Variants in ABLIM2 observed in about 807,000 individuals in gnomAD.
The protein encoded by ABLIM2 is actin binding LIM protein family member 2.
A neutral mutation model predicts 97.7 loss-of-function variants in ABLIM2; 53 were observed. The ratio of observed to expected loss-of-function variants is 0.54; its 90% CI spans 0.44 to 0.68. The LOEUF (loss-of-function observed/expected upper bound fraction) is 0.68. ABLIM2 is among the 30% of genes least tolerant of loss of function. The pLI is 0.00. For missense variants in ABLIM2, 835 were observed against 867.2 expected (o/e 0.96, Z 0.47); for synonymous variants, 361 against 345.8 (o/e 1.04, Z -0.49).
intron 1 of ABLIM2, among the ~76,000 whole-genome samples, chr4:8,154,908 G>A (rs1018795817): frequency 6.6e-6 from 1 of 152,232 alleles, no homozygotes; most frequent in Non-Finnish European, 1.5e-5. Flanking sequence ...ACGAAGGAGG[G>A]GCAAAGGGAC....
rs149162403 is a variant in ABLIM2 at position 7,992,044 on chromosome 4, C to T, written c.1680+822G>A. 2.6e-4 allele frequency among the ~76,000 whole-genome samples: 39 copies of T among 152,308 alleles called. No individual in the cohort carries two copies. The highest frequency in any genetic ancestry group is 4.3e-4 in the Non-Finnish European group (29 of 68,022). ...AACAAATTTCCAGACTGGGACGAGG[C>T]TGCCTTGCGCAATGGGGAGACCCCT... On this transcript the variant is annotated intron_variant, in intron 17 of 20. Coordinates refer to ENST00000447017, the MANE Select transcript of ABLIM2 (RefSeq NM_001130083.2). This position sits in a 1 kb window ranked among gnomAD's most constrained non-coding sequence, Gnocchi z 5.7.
At position 8,004,121 on chromosome 4, in the gene ABLIM2, C is replaced by CTG. The variant is rs375553721; in HGVS notation, c.1618+3937_1618+3938insCA. ...TGGTCCCCACCCACCACCTTCCCTT[C>CTG]CACAGAAAAGCTGCAGCAGGGTCGC... On this transcript the variant is annotated intron_variant, in intron 16 of 20. Coordinates refer to ENST00000447017, the MANE Select transcript of ABLIM2 (RefSeq NM_001130083.2). This position sits in a 1 kb window ranked among gnomAD's most constrained non-coding sequence, Gnocchi z 5.9. Among the ~76,000 whole-genome samples, 26,971 of 151,692 alleles carry CTG rather than the reference C, an allele frequency of 0.18. 2,968 individuals carry two copies. Among genetic ancestry groups the CTG allele is most frequent in the African/African-American group, 0.32 (12,996 of 41,214 alleles).
chr4:8,048,399 G>A (rs1793922546), intron 8 of ABLIM2, among the ~76,000 whole-genome samples: 2 of 152,192 alleles, frequency 1.3e-5, no homozygotes, highest in African/African-American at 2.4e-5. Flanking sequence ...CTGGCCCCAG[G>A]GAGGCAGCTG....
At chr4:8,018,043 T>A (rs564983220) in intron 14 of ABLIM2, among the ~76,000 whole-genome samples, 13 of 151,116 alleles carry the variant, frequency 8.6e-5, no homozygotes, top group African/African-American at 2.7e-4. Flanking sequence ...TAAAATCTAA[T>A]CTCTCCACTG....
intron 1 of ABLIM2, among the ~76,000 whole-genome samples, chr4:8,119,397 G>C (rs1844292110): frequency 7.1e-6 from 1 of 139,942 alleles, no homozygotes; most frequent in Admixed American, 8.0e-5. Flanking sequence ...GCATGATCTT[G>C]GCTCAGTGCA....
At position 8,021,202 on chromosome 4, in the gene ABLIM2, T is replaced by A. The variant is rs1246201765; in HGVS notation, c.1268-899A>T. On this transcript the variant is annotated intron_variant, in intron 12 of 20. Transcript: ENST00000447017. This position sits in a 1 kb window ranked among gnomAD's most constrained non-coding sequence, Gnocchi z 5.5. ...TTTTTGGCAAATTAAATGGAAAGCA[T>A]CCTCTGACCCTGCTTCAATTGCTGA... Among the ~76,000 whole-genome samples the A allele has an allele frequency of 6.6e-6, 1 of 152,068 alleles. No individual in the cohort carries two copies. The highest frequency in any genetic ancestry group is 1.5e-5 in the Non-Finnish European group (1 of 68,010).
rs377270958 is a variant in ABLIM2 at position 8,009,109 on chromosome 4, G to C, written c.1424-7C>G. ...CCATCCGATCGCCTGGCAGCTGGAA[G>C]GGAAAAATCCATTTGTAAAGGCCAC... On this transcript the variant is annotated splice_polypyrimidine_tract_variant and splice_region_variant and intron_variant, in intron 14 of 20. Coordinates refer to ENST00000447017, the MANE Select transcript of ABLIM2 (RefSeq NM_001130083.2). 11 of 1,613,924 alleles carry C rather than the reference G, an allele frequency of 6.8e-6. No homozygotes were observed. The African/African-American group carries it at 1.5e-4, about 22-fold the overall frequency.
At position 8,077,707 on chromosome 4, in the gene ABLIM2, T is replaced by C. The variant is rs1817165326; in HGVS notation, c.596A>G (p.Tyr199Cys). Residue 199 changes from tyrosine to cysteine, a missense_variant, in exon 6 of 21, where the codon TAC becomes TGC. Transcript: ENST00000447017. ...CTTGGCGTGATAGTCAGCTTCGCAG[T>C]AGGGCAGCCCATCCCTGCAATGAGA... ...AEYISKDGLPYCEADYHAKFG... is the reference protein window; with the variant it reads ...AEYISKDGLPCCEADYHAKFG... The C allele has an allele frequency of 6.2e-7, 1 of 1,612,158 alleles. No homozygotes were observed. The highest frequency in any genetic ancestry group is 8.5e-7 in the Non-Finnish European group (1 of 1,179,120).
At position 8,140,086 on chromosome 4, in the gene ABLIM2, A is replaced by G. The variant is rs1366504581; in HGVS notation, c.10+18594T>C. Among the ~76,000 whole-genome samples the G allele has an allele frequency of 8.5e-6, 1 of 117,652 alleles. No homozygotes were observed. Among genetic ancestry groups the G allele is most frequent in the African/African-American group, 3.3e-5 (1 of 30,528 alleles). 77.2% of individuals were successfully genotyped at this position (117,652 alleles called of 152,430 possible). A position where few individuals can be genotyped will look rare whatever the true frequency, so the allele number is the denominator to read the frequency against. ...ATGGAAACGGGGAGACGAACAACAC[A>G]CACTAGGGCCTGTCAGAGGGGTGGG... On this transcript the variant is annotated intron_variant, in intron 1 of 20. Transcript: ENST00000447017. The surrounding 1 kb of genome is among the most constrained non-coding windows in gnomAD (Gnocchi z 5.9).
In ABLIM2 at chr4:7,998,738, C is replaced by T; in HGVS notation, c.1619-5811G>A. On this transcript the variant is annotated intron_variant, in intron 16 of 20. Transcript: ENST00000447017. This position sits in a 1 kb window ranked among gnomAD's most constrained non-coding sequence, Gnocchi z 6.4. ...CACTGCATGGGAGGCTGGGAGTCTG[C>T]TGGCCTGGGCCACCTCCTGCTGCTG... 2.1e-6 allele frequency: 1 copy of T among 472,104 alleles called. No individual in the cohort carries two copies. Among genetic ancestry groups the T allele is most frequent in the Non-Finnish European group, 4.2e-6 (1 of 235,618 alleles). The allele number at this position is 472,104 out of a possible 1,614,324, so 29.2% of individuals were successfully genotyped here.
In ABLIM2 at chr4:8,019,501, C is replaced by G; in HGVS notation, c.1423+117G>C. On this transcript the variant is annotated intron_variant, in intron 14 of 20. Transcript: ENST00000447017. The surrounding 1 kb of genome is among the most constrained non-coding windows in gnomAD (Gnocchi z 4.3). ...CATTTAATAGTCAGACTGCTAAGGG[C>G]CTTGGTGGTGCCTTCACTGCATTTA... 1.0e-6 allele frequency: 1 copy of G among 958,860 alleles called. No homozygotes were observed. Among genetic ancestry groups the G allele is most frequent in the East Asian group, 2.6e-5 (1 of 38,488 alleles). 59.4% of individuals were successfully genotyped at this position (958,860 alleles called of 1,614,324 possible).
At chr4:8,020,976 C>T (rs1346261399) in intron 12 of ABLIM2, among the ~76,000 whole-genome samples, 1 of 151,608 alleles carries the variant, frequency 6.6e-6, no homozygotes, top group Non-Finnish European at 1.5e-5. Context: ...CCCACCTCGG[C>T]CTCCCAAGTT....
At chr4:8,097,583 T>C (rs548980623) in intron 2 of ABLIM2, among the ~76,000 whole-genome samples, 1 of 152,014 alleles carries the variant, frequency 6.6e-6, no homozygotes, top group Non-Finnish European at 1.5e-5. Context: ...CTCGCTAGAG[T>C]GCCCCCAGCC....
rs1042742688 is a variant in ABLIM2 at position 8,095,457 on chromosome 4, A to C, written c.338+1642T>G. Reference sequence around the variant, plus strand: ...AACACTTATAAATTTTACGTTGTTGAATGCTGGATTTTTAAAAATCTTCTT... The same window carrying C: ...AACACTTATAAATTTTACGTTGTTGCATGCTGGATTTTTAAAAATCTTCTT... On this transcript the variant is annotated intron_variant, in intron 3 of 20. Coordinates refer to ENST00000447017, the MANE Select transcript of ABLIM2 (RefSeq NM_001130083.2). This position sits in a 1 kb window ranked among gnomAD's most constrained non-coding sequence, Gnocchi z 4.7. Among the ~76,000 whole-genome samples, 8 of 152,134 alleles carry C rather than the reference A, an allele frequency of 5.3e-5. No homozygotes were observed. Among genetic ancestry groups the C allele is most frequent in the African/African-American group, 1.9e-4 (8 of 41,420 alleles).
Position 8,033,120 on chromosome 4 carries a change from C to T in ABLIM2, c.1047+3029G>A, listed in dbSNP as rs1049371213. ...TGACCAGAAGCCTTTGGGTTGGAGA[C>T]GGCTCTGCCGTGGGGGTCCTGGGGC... On this transcript the variant is annotated intron_variant, in intron 10 of 20. Transcript: ENST00000447017. This position sits in a 1 kb window ranked among gnomAD's most constrained non-coding sequence, Gnocchi z 4.5. Among the ~76,000 whole-genome samples the T allele has an allele frequency of 2.0e-5, 3 of 152,178 alleles. No homozygotes were observed. The highest frequency in any genetic ancestry group is 4.8e-5 in the African/African-American group (2 of 41,460).
rs906277688 is a variant in ABLIM2 at position 8,112,320 on chromosome 4, C to G, written c.11-5683G>C. Reference sequence around the variant, plus strand: ...GTTTGGACCCACCATCCAGGGGCAGCGGTGTGACCTTGGTGAATGGATTTA... The same window carrying G: ...GTTTGGACCCACCATCCAGGGGCAGGGGTGTGACCTTGGTGAATGGATTTA... On this transcript the variant is annotated intron_variant, in intron 1 of 20. Coordinates refer to ENST00000447017, the MANE Select transcript of ABLIM2 (RefSeq NM_001130083.2). This position sits in a 1 kb window ranked among gnomAD's most constrained non-coding sequence, Gnocchi z 4.2. 6.6e-6 allele frequency among the ~76,000 whole-genome samples: 1 copy of G among 152,220 alleles called. No homozygotes were observed. The highest frequency in any genetic ancestry group is 6.5e-5 in the Admixed American group (1 of 15,290).
At chr4:8,042,020 AGCAG>A (rs1376511090) in intron 9 of ABLIM2, among the ~76,000 whole-genome samples, 2 of 152,268 alleles carry the variant, frequency 1.3e-5, no homozygotes, top group African/African-American at 4.8e-5. Context: ...ATGAGCGCTT[AGCAG>A]GCACCAAGCC....
intron 14 of ABLIM2, 119 bp from the exon 15 acceptor site, chr4:8,009,221 T>C (rs1341792826): frequency 1.5e-5 from 19 of 1,235,526 alleles, no homozygotes; most frequent in Admixed American, 5.3e-5. Context: ...AGAAGGTCAG[T>C]AGTACGAGTG....
At position 8,088,192 on chromosome 4, in the gene ABLIM2, G is replaced by T. The variant is rs545161493; in HGVS notation, c.431C>A (p.Ala144Glu). The T allele has an allele frequency of 1.2e-6, 2 of 1,609,982 alleles. No homozygotes were observed. Among genetic ancestry groups the T allele is most frequent in the South Asian group, 2.2e-5 (2 of 90,812 alleles). The change falls in exon 4 of 21, where the codon GCG becomes GAG. Residue 144 changes from alanine (A) to glutamate (E), a missense_variant. Coordinates refer to ENST00000447017, the MANE Select transcript of ABLIM2 (RefSeq NM_001130083.2). The part of the protein sequence containing the change: ...CSLPVSVGSS[A>E]HLSQGLRSCG... Reference sequence around the variant, plus strand: ...ACTTCGGAGGCCCTGGGACAGGTGCGCGCTGCTGCCCACCGATACGGGCAG... The same window carrying T: ...ACTTCGGAGGCCCTGGGACAGGTGCTCGCTGCTGCCCACCGATACGGGCAG...
Sources: gnomAD v4.1 joint callset for allele counts (sites outside exome capture counted in the v4.1 genomes callset) on GRCh38, gnomAD v4.1.1 for gene constraint, Gnocchi (gnomAD v3.1) non-coding constraint, MANE v1.5 for transcripts, NCBI Gene and HGNC (gene_info 2026-07-23, HGNC 2026-07-21) for gene names.